CADPS2: variants seen among roughly 807,000 people sequenced by gnomAD.
The protein encoded by CADPS2 is calcium-dependent secretion activator 2.
Under a neutral mutation model 172.5 loss-of-function variants are expected in CADPS2, and 93 were observed. That is an observed-to-expected ratio of 0.54 (90% CI 0.46 to 0.64). The LOEUF is 0.64. CADPS2 is among the 30% of genes least tolerant of loss of function. CADPS2 has a pLI of 0.00. For missense variants in CADPS2, 1,420 were observed against 1,565.9 expected (o/e 0.91, Z 1.57); for synonymous variants, 546 against 555.2 (o/e 0.98, Z 0.23).
chr7:122,464,436 A>C (rs192380686), intron 14 of CADPS2, among the ~76,000 whole-genome samples: 8 of 152,340 alleles, frequency 5.3e-5, no homozygotes, highest in Admixed American at 5.2e-4. Flanking sequence ...ACGTATGCAG[A>C]TAGTTCTCCT....
At chr7:122,772,309 T>C (rs1181737140) in intron 1 of CADPS2, among the ~76,000 whole-genome samples, 8 of 152,188 alleles carry the variant, frequency 5.3e-5, no homozygotes, top group Non-Finnish European at 1.0e-4. Flanking sequence ...AAAAATGTGA[T>C]TAACATATCA....
intron 2 of CADPS2, among the ~76,000 whole-genome samples, chr7:122,709,132 A>G (rs1467488984): frequency 6.6e-6 from 1 of 152,020 alleles, no homozygotes; most frequent in Non-Finnish European, 1.5e-5. Flanking sequence ...TGCCCTTCTC[A>G]TTATTAAGAT....
intron 3 of CADPS2, among the ~76,000 whole-genome samples, chr7:122,652,462 TTAA>T (rs2079260498): frequency 6.6e-6 from 1 of 152,216 alleles, no homozygotes; most frequent in Non-Finnish European, 1.5e-5. Context: ...ATATACAGTT[TTAA>T]TATTATATAA....
At chr7:122,480,704 T>A in intron 12 of CADPS2, 148 bp downstream of exon 12, 1 of 522,962 alleles carries the variant, frequency 1.9e-6, no homozygotes, top group Non-Finnish European at 3.2e-6. Context: ...ATTTTTTGTT[T>A]TGTAATCAAT....
At chr7:122,438,488 G>T (rs768925296) in intron 16 of CADPS2, 24 bp from the exon 17 acceptor site, 72 of 1,611,198 alleles carry the variant, frequency 4.5e-5, no homozygotes, top group Non-Finnish European at 6.1e-5. Context: ...AAGTGGAAGG[G>T]TGAGGGGCAG....
chr7:122,481,383 C>T (rs919206871), intron 11 of CADPS2, among the ~76,000 whole-genome samples: 1 of 152,140 alleles, frequency 6.6e-6, no homozygotes, highest in Non-Finnish European at 1.5e-5. Flanking sequence ...ATTCAGTTCT[C>T]ATAGCCTGAT....
At chr7:122,725,224 A>G (rs1421832249) in intron 2 of CADPS2, among the ~76,000 whole-genome samples, 2 of 152,056 alleles carry the variant, frequency 1.3e-5, no homozygotes, top group East Asian at 1.9e-4. Flanking sequence ...GTTAGTGAAT[A>G]TAAGGATCTA....
intron 17 of CADPS2, among the ~76,000 whole-genome samples, chr7:122,418,894 A>G (rs10277691): frequency 0.08 from 12,207 of 152,294 alleles, 1,283 homozygotes; most frequent in African/African-American, 0.25. Flanking sequence ...AAAATTGTGC[A>G]TTGTAAAATC....
chr7:122,883,298 G>C (rs1314035915), intron 1 of CADPS2, among the ~76,000 whole-genome samples: 1 of 152,242 alleles, frequency 6.6e-6, no homozygotes, highest in East Asian at 1.9e-4. Context: ...CCTGGGTAAA[G>C]ATCTTATCTT....
intron 2 of CADPS2, chr7:122,676,722 G>A: frequency 3.8e-6 from 6 of 1,558,730 alleles, no homozygotes; most frequent in Non-Finnish European, 5.2e-6. Flanking sequence ...GGAAGGACAT[G>A]GGGCCAACTC....
intron 1 of CADPS2, among the ~76,000 whole-genome samples, chr7:122,844,746 G>A (rs1317975282): frequency 6.6e-6 from 1 of 152,112 alleles, no homozygotes; most frequent in Non-Finnish European, 1.5e-5. Flanking sequence ...TAAAGGACAG[G>A]AAATCCAGGA....
chr7:122,808,445 T>TTA (rs1386324853), intron 1 of CADPS2, among the ~76,000 whole-genome samples: 1 of 152,222 alleles, frequency 6.6e-6, no homozygotes, highest in Non-Finnish European at 1.5e-5. Context: ...TGAAGTCCTG[T>TTA]GGTATAACAT....
chr7:122,836,999 T>G lies in CADPS2; in HGVS notation c.339+49000A>C, dbSNP rs538493443. ...CATTCTTCTCAGCACCATATCTTGC[T>G]TATTCCAAAATTGACCACACAGTTG... On this transcript the variant is annotated intron_variant, in intron 1 of 29. Coordinates refer to ENST00000449022, the MANE Select transcript of CADPS2 (RefSeq NM_017954.11). Among the ~76,000 whole-genome samples, 3 of 151,792 alleles carry G rather than the reference T, an allele frequency of 2.0e-5. No homozygotes were observed. The East Asian group carries it at 5.8e-4, about 29-fold the overall frequency.
chr7:122,557,913 GT>G (rs1402312645), intron 7 of CADPS2, among the ~76,000 whole-genome samples: 1 of 152,130 alleles, frequency 6.6e-6, no homozygotes, highest in African/African-American at 2.4e-5. Flanking sequence ...TTGGGAAAAG[GT>G]GATCAAGATA....
intron 1 of CADPS2, among the ~76,000 whole-genome samples, chr7:122,878,154 G>C (rs184347263): frequency 2.5e-4 from 38 of 151,892 alleles, no homozygotes; most frequent in African/African-American, 8.9e-4. Context: ...TAGCTACTCG[G>C]GGGGCTGAGA....
chr7:122,665,279 C>T (rs1389661023), intron 2 of CADPS2, among the ~76,000 whole-genome samples: 1 of 152,204 alleles, frequency 6.6e-6, no homozygotes, highest in Non-Finnish European at 1.5e-5. Context: ...TGACCCCAAG[C>T]CTTTTCCCAC....
intron 9 of CADPS2, among the ~76,000 whole-genome samples, chr7:122,502,239 T>C (rs2059263855): frequency 1.3e-5 from 2 of 152,160 alleles, no homozygotes; most frequent in Admixed American, 1.3e-4. Context: ...TAACATAAAA[T>C]TGTAATCTTT....
chr7:122,451,261 G>GGCTA (rs1209170054), intron 15 of CADPS2, 113 bp downstream of exon 15: 2 of 462,872 alleles, frequency 4.3e-6, no homozygotes. Flanking sequence ...GGCAAGGGAG[G>GGCTA]GCTACTGATG....
At chr7:122,405,069 G>C (rs2046473271) in intron 20 of CADPS2, among the ~76,000 whole-genome samples, 1 of 151,690 alleles carries the variant, frequency 6.6e-6, no homozygotes, top group Non-Finnish European at 1.5e-5. Context: ...GCAACAGAGT[G>C]AGACTGCATC....
Sources: allele counts gnomAD v4.1 joint callset (sites outside exome capture counted in the v4.1 genomes callset), GRCh38; gene constraint gnomAD v4.1.1; transcripts MANE v1.5; gene names NCBI Gene and HGNC (gene_info 2026-07-23, HGNC 2026-07-21).